Variants in DCDC2 observed in about 807,000 individuals in gnomAD.
DCDC2 encodes the protein doublecortin domain-containing protein 2.
In DCDC2, 40 loss-of-function variants were observed where a neutral mutation model predicts 50.2. The observed-to-expected ratio is 0.80, with a 90% CI of 0.62 to 1.04. The LOEUF (loss-of-function observed/expected upper bound fraction) is 1.04. DCDC2 is among the 50% of genes least tolerant of loss of function. The pLI, the probability that DCDC2 is intolerant of heterozygous loss-of-function variation, is 0.00. For missense variants in DCDC2, 570 were observed against 581.9 expected (o/e 0.98, Z 0.21); for synonymous variants, 234 against 210.6 (o/e 1.11, Z -0.96).
rs1759381989 is a variant in DCDC2 at position 24,301,834 on chromosome 6, A to G, written c.438T>C (p.Asn146=). 1.2e-6 allele frequency: 2 copies of G among 1,614,060 alleles called. No homozygotes were observed. The highest frequency in any genetic ancestry group is 2.7e-5 in the African/African-American group (2 of 74,908). The change falls in exon 4 of 10, where the codon AAT becomes AAC. Residue 146 remains asparagine, a synonymous_variant. Coordinates refer to ENST00000378454, the MANE Select transcript of DCDC2 (RefSeq NM_016356.5). ...QEPCTIFLIA[N]GDLINPASRL... The stretch of plus-strand genomic sequence containing the variant: ...GAGAAGCTGGGTTTATGAGGTCTCC[A>G]TTTGCAATCAAGCTGGAAAACAGGG...
At chr6:24,193,667 G>A (rs1761359156) in intron 8 of DCDC2, among the ~76,000 whole-genome samples, 1 of 152,054 alleles carries the variant, frequency 6.6e-6, no homozygotes, top group Non-Finnish European at 1.5e-5. Context: ...CATTTACATA[G>A]TAGAAATAAT....
chr6:24,301,935 T>C lies in DCDC2; in HGVS notation c.425+33A>G, dbSNP rs35029429. The C allele has an allele frequency of 0.017, 26,745 of 1,611,882 alleles. 328 individuals are homozygous for C. Among genetic ancestry groups the C allele is most frequent in the Non-Finnish European group, 0.021 (24,194 of 1,179,064 alleles). On this transcript the variant is annotated intron_variant, in intron 3 of 9. Coordinates refer to ENST00000378454, the MANE Select transcript of DCDC2 (RefSeq NM_016356.5). ...AACCAAAAGGAAACCACCAAGCCAA[T>C]TTTAACTTGAAGTATAAAGGGTTTC...
At position 24,323,027 on chromosome 6, in the gene DCDC2, T is replaced by C. The variant is rs1032152970; in HGVS notation, c.349-20983A>G. Among the ~76,000 whole-genome samples, 43 of 152,308 alleles carry C rather than the reference T, an allele frequency of 2.8e-4. 1 individual carries two copies. Among genetic ancestry groups the C allele is most frequent in the Admixed American group, 2.4e-3 (37 of 15,290 alleles). On this transcript the variant is annotated intron_variant, in intron 2 of 9. Transcript: ENST00000378454. ...CGATCACAAGAAAACACCAGATATG[T>C]CCTAAATTAAAGGACCATCTACAAA...
At chr6:24,222,618 C>A (rs1762143490) in intron 7 of DCDC2, among the ~76,000 whole-genome samples, 1 of 152,026 alleles carries the variant, frequency 6.6e-6, no homozygotes, top group Non-Finnish European at 1.5e-5. Flanking sequence ...ATTCTTAGCT[C>A]AAAAGTTAAA....
the DCDC2 span, among the ~76,000 whole-genome samples, chr6:24,382,946 A>G: frequency 6.6e-6 from 1 of 152,150 alleles, no homozygotes; most frequent in Admixed American, 6.5e-5. Context: ...AAACAGTACT[A>G]TCTCTTACTA....
Position 24,357,876 on chromosome 6 carries a change from A to G in DCDC2, c.-126T>C, listed in dbSNP as rs529660616. 86 of 1,572,732 alleles carry G rather than the reference A, an allele frequency of 5.5e-5. No homozygotes were observed. In the Middle Eastern group the frequency reaches 1.2e-3, roughly 22 times the overall value. ...AAACGAACGAGAAACTGACGAATCC[A>G]CAGGTGAAAGAGAAGTAACGGCCGT... is the stretch of plus-strand genomic sequence containing the variant. On this transcript the variant is annotated 5_prime_UTR_variant, in exon 1 of 10. Coordinates refer to ENST00000378454, the MANE Select transcript of DCDC2 (RefSeq NM_016356.5).
chr6:24,236,885 C>A (rs540312107), intron 7 of DCDC2, among the ~76,000 whole-genome samples: 1 of 152,122 alleles, frequency 6.6e-6, no homozygotes, highest in Non-Finnish European at 1.5e-5. Context: ...TGGCAGGCAC[C>A]TGTAATCTGG....
chr6:24,262,028 G>A (rs917525094), intron 7 of DCDC2, among the ~76,000 whole-genome samples: 3 of 151,914 alleles, frequency 2.0e-5, no homozygotes, highest in African/African-American at 4.8e-5. Flanking sequence ...ACAAATATCA[G>A]GTAAGCAATC....
At chr6:24,367,762 T>TAA in the DCDC2 span, among the ~76,000 whole-genome samples, 823 of 151,950 alleles carry the variant, frequency 5.4e-3, 5 homozygotes, top group African/African-American at 0.019. Flanking sequence ...GAATATACAG[T>TAA]AAAAAAACCT....
At chr6:24,215,144 C>T (rs1204317708) in intron 7 of DCDC2, among the ~76,000 whole-genome samples, 1 of 152,130 alleles carries the variant, frequency 6.6e-6, no homozygotes, top group Non-Finnish European at 1.5e-5. Flanking sequence ...ACAAAGAAGG[C>T]TGTGAGAGAC....
intron 7 of DCDC2, among the ~76,000 whole-genome samples, chr6:24,224,912 A>C (rs1762196047): frequency 6.6e-6 from 1 of 152,210 alleles, no homozygotes. Context: ...TTTTAAGGGA[A>C]GGGACCACGT....
At position 24,227,835 on chromosome 6, in the gene DCDC2, T is replaced by C. The variant is rs1410613244; in HGVS notation, c.923-22733A>G. Among the ~76,000 whole-genome samples, 3 of 152,296 alleles carry C rather than the reference T, an allele frequency of 2.0e-5. No individual in the cohort carries two copies. The East Asian group carries it at 5.8e-4, about 29-fold the overall frequency. ...AATCTGGTAAACAGAAGGGGGCAGGTCAAAGATGTCCAGGGGCTTACCTCT... is the reference window on the plus strand; with the variant it reads ...AATCTGGTAAACAGAAGGGGGCAGGCCAAAGATGTCCAGGGGCTTACCTCT... On this transcript the variant is annotated intron_variant, in intron 7 of 9. Transcript: ENST00000378454.
intron 2 of DCDC2, among the ~76,000 whole-genome samples, chr6:24,341,672 T>C (rs998598781): frequency 1.3e-5 from 2 of 152,170 alleles, no homozygotes; most frequent in Non-Finnish European, 2.9e-5. Flanking sequence ...CTGAATTACA[T>C]GTATACTTTC....
chr6:24,380,413 G>A, the DCDC2 span, among the ~76,000 whole-genome samples: 1 of 152,106 alleles, frequency 6.6e-6, no homozygotes, highest in African/African-American at 2.4e-5. Flanking sequence ...AGACCCACAG[G>A]TCTTAAAGTG....
chr6:24,285,117 G>A (rs1173669731), intron 6 of DCDC2, among the ~76,000 whole-genome samples: 6 of 151,850 alleles, frequency 4.0e-5, no homozygotes, highest in Non-Finnish European at 7.4e-5. Context: ...ACCACTATAC[G>A]CTCAGTGCCT....
At chr6:24,343,289 T>A (rs1760196439) in intron 2 of DCDC2, among the ~76,000 whole-genome samples, 1 of 152,098 alleles carries the variant, frequency 6.6e-6, no homozygotes, top group African/African-American at 2.4e-5. Context: ...GACTTCGTGA[T>A]CCACCCACCT....
chr6:24,261,572 T>C (rs1230479591), intron 7 of DCDC2, among the ~76,000 whole-genome samples: 3 of 152,166 alleles, frequency 2.0e-5, no homozygotes, highest in African/African-American at 7.2e-5. Flanking sequence ...GGGACAATTC[T>C]AAGGTGTGTT....
At chr6:24,254,414 C>T (rs1762852108) in intron 7 of DCDC2, among the ~76,000 whole-genome samples, 1 of 152,152 alleles carries the variant, frequency 6.6e-6, no homozygotes, top group African/African-American at 2.4e-5. Flanking sequence ...ATTGTTTATA[C>T]AATCACCACA....
At position 24,236,881 on chromosome 6, in the gene DCDC2, G is replaced by C. The variant is rs574396601; in HGVS notation, c.923-31779C>G. 3.3e-5 allele frequency among the ~76,000 whole-genome samples: 5 copies of C among 152,154 alleles called. No individual in the cohort carries two copies. The East Asian group carries it at 9.7e-4, about 29-fold the overall frequency. ...AAAAATTAGCTGGGCATGGTGGCAG[G>C]CACCTGTAATCTGGCCACTTGGGGG... On this transcript the variant is annotated intron_variant, in intron 7 of 9. Transcript: ENST00000378454.
Sources: allele counts gnomAD v4.1 joint callset (sites outside exome capture counted in the v4.1 genomes callset), GRCh38; gene constraint gnomAD v4.1.1; transcripts MANE v1.5; gene names NCBI Gene and HGNC (gene_info 2026-07-23, HGNC 2026-07-21).